SV2C: variants seen among roughly 807,000 people sequenced by gnomAD.
SV2C encodes synaptic vesicle glycoprotein 2C, also known as solute carrier family 22 member B3.
SV2C carries 49 observed loss-of-function variants against 79.7 expected under a neutral mutation model. The observed-to-expected ratio is 0.61, with a 90% CI of 0.49 to 0.78. SV2C has a LOEUF of 0.78. Among genes scored for constraint, SV2C ranks in the 30% least tolerant of loss-of-function variants. The pLI is 0.00. For missense variants in SV2C, 833 were observed against 912.9 expected, an observed-to-expected ratio of 0.91 and a Z score of 1.13; for synonymous variants, 334 against 333.2, an observed-to-expected ratio of 1.00 and a Z score of -0.03.
chr5:76,065,649 C>G, the SV2C span, among the ~76,000 whole-genome samples: 1 of 152,156 alleles, frequency 6.6e-6, no homozygotes, highest in East Asian at 1.9e-4. Flanking sequence ...TGAGATCACA[C>G]TACACATCAA....
At chr5:76,076,241 A>G in the SV2C span, among the ~76,000 whole-genome samples, 1 of 152,250 alleles carries the variant, frequency 6.6e-6, no homozygotes, top group African/African-American at 2.4e-5. Context: ...AAAGTATCAT[A>G]TGTGTATGGA....
chr5:76,105,641 G>C (rs964641008), intron 1 of SV2C, among the ~76,000 whole-genome samples: 5 of 151,876 alleles, frequency 3.3e-5, no homozygotes, highest in African/African-American at 4.8e-5. Context: ...TTCTCTTTTT[G>C]CCCTTTTTGT....
At chr5:75,884,589 G>A in the SV2C span, among the ~76,000 whole-genome samples, 2,918 of 152,008 alleles carry the variant, frequency 0.019, 31 homozygotes, top group Non-Finnish European at 0.029. Flanking sequence ...CTTCTTGACT[G>A]TTCTGCAAAC....
In SV2C at chr5:76,306,398, G is replaced by A. The variant is rs555749282; in HGVS notation, c.2000+4853G>A. On this transcript the variant is annotated intron_variant, in intron 12 of 12. Transcript: ENST00000502798. ...CCAAGGGTTTTAGGAGCTCAATGCC[G>A]GGAACTGGGGATGAAGACCAAATAC... Among the ~76,000 whole-genome samples, 7 of 152,178 alleles carry A rather than the reference G, an allele frequency of 4.6e-5. No individual in the cohort carries two copies. In the East Asian group the frequency reaches 9.6e-4, roughly 21 times the overall value.
chr5:76,283,291 T>C (rs976356677), intron 4 of SV2C, among the ~76,000 whole-genome samples: 22 of 151,802 alleles, frequency 1.4e-4, no homozygotes, highest in African/African-American at 5.3e-4. Flanking sequence ...CACTCCAGCC[T>C]GGCGACAGAG....
At chr5:76,255,971 A>C (rs538494393) in intron 4 of SV2C, among the ~76,000 whole-genome samples, 1 of 152,332 alleles carries the variant, frequency 6.6e-6, no homozygotes, top group South Asian at 2.1e-4. Context: ...CCTTTTTAAA[A>C]ATCAATAAAG....
chr5:75,954,771 T>C, the SV2C span, among the ~76,000 whole-genome samples: 11 of 148,926 alleles, frequency 7.4e-5, no homozygotes, highest in African/African-American at 2.6e-4. Context: ...GAGAGCCAAA[T>C]CATGAGTGAA....
the SV2C span, among the ~76,000 whole-genome samples, chr5:75,975,917 C>A: frequency 6.6e-6 from 1 of 152,154 alleles, no homozygotes; most frequent in Non-Finnish European, 1.5e-5. Flanking sequence ...AGAGATTATG[C>A]TTTCCTGTTC....
the SV2C span, among the ~76,000 whole-genome samples, chr5:76,030,495 G>A: frequency 6.6e-6 from 1 of 151,924 alleles, no homozygotes; most frequent in Non-Finnish European, 1.5e-5. Context: ...TATTACCCTA[G>A]CAATGAAAGG....
chr5:75,908,562 A>G, the SV2C span, among the ~76,000 whole-genome samples: 1 of 152,178 alleles, frequency 6.6e-6, no homozygotes, highest in Non-Finnish European at 1.5e-5. Flanking sequence ...CCATGGTTGA[A>G]CTACCTGTAA....
At chr5:75,866,732 T>A in the SV2C span, among the ~76,000 whole-genome samples, 1 of 152,200 alleles carries the variant, frequency 6.6e-6, no homozygotes, top group African/African-American at 2.4e-5. Context: ...GAGGTTATGG[T>A]ACAAATCCAG....
chr5:75,938,211 T>C, the SV2C span, among the ~76,000 whole-genome samples: 1 of 152,218 alleles, frequency 6.6e-6, no homozygotes, highest in Non-Finnish European at 1.5e-5. Flanking sequence ...AAATTTAAAC[T>C]GTGTTGCTCG....
chr5:76,239,154 T>G (rs2112416751), intron 4 of SV2C, among the ~76,000 whole-genome samples: 1 of 152,302 alleles, frequency 6.6e-6, no homozygotes, highest in Non-Finnish European at 1.5e-5. Context: ...ATTCTTCCTC[T>G]GTCTGCTTGC....
chr5:76,014,184 GAA>G, the SV2C span, among the ~76,000 whole-genome samples: 1 of 139,076 alleles, frequency 7.2e-6, no homozygotes, highest in African/African-American at 2.7e-5. Context: ...AAGAAAGAAA[GAA>G]AGAAGGAAAG....
At chr5:76,209,643 ATG>A in intron 3 of SV2C, 91 bp from the exon 4 acceptor site, 1 of 1,231,272 alleles carries the variant, frequency 8.1e-7, no homozygotes. Context: ...GGGAGAAAGC[ATG>A]TGTTGTTAGA....
chr5:76,255,415 C>T (rs918173427), intron 4 of SV2C, among the ~76,000 whole-genome samples: 1 of 152,138 alleles, frequency 6.6e-6, no homozygotes, highest in African/African-American at 2.4e-5. Flanking sequence ...ATGCAGGGAC[C>T]CTGTCTTCCT....
chr5:76,114,124 T>C (rs1000205221), intron 1 of SV2C, among the ~76,000 whole-genome samples: 1 of 152,160 alleles, frequency 6.6e-6, no homozygotes, highest in Non-Finnish European at 1.5e-5. Context: ...TGAAACACCT[T>C]GGTCTCAAAG....
the SV2C span, among the ~76,000 whole-genome samples, chr5:76,076,741 A>G: frequency 6.6e-6 from 1 of 152,048 alleles, no homozygotes; most frequent in Admixed American, 6.5e-5. Context: ...TTCTACCTCT[A>G]CTGCATAGCC....
chr5:76,173,457 G>A (rs947340431), intron 2 of SV2C, among the ~76,000 whole-genome samples: 14 of 152,184 alleles, frequency 9.2e-5, no homozygotes, highest in Non-Finnish European at 1.3e-4. Flanking sequence ...ATACTGGAAA[G>A]TGATTAGAAT....
Sources: gnomAD v4.1 joint callset for allele counts (sites outside exome capture counted in the v4.1 genomes callset) on GRCh38, gnomAD v4.1.1 for gene constraint, MANE v1.5 for transcripts, NCBI Gene and HGNC (gene_info 2026-07-23, HGNC 2026-07-21) for gene names.